SLCO6A1: variants seen among roughly 807,000 people sequenced by gnomAD.
SLCO6A1 encodes cancer/testis antigen 48.
SLCO6A1 carries 65 observed loss-of-function variants against 72.7 expected under a neutral mutation model. The observed-to-expected ratio is 0.89, with a 90% CI of 0.73 to 1.10. The LOEUF (loss-of-function observed/expected upper bound fraction) is 1.10, where lower values mean the gene tolerates loss of function less well. Among genes scored for constraint, SLCO6A1 ranks in the 50% least tolerant of loss-of-function variants. The probability of loss-of-function intolerance (pLI) is 0.00; values close to 1 mark genes in which losing one functional copy is unlikely to be tolerated. For synonymous variants in SLCO6A1, 314 were observed against 298.2 expected (o/e 1.05, Z -0.55); for missense variants, 874 against 872.6 (o/e 1.00, Z -0.02).
At position 102,458,471 on chromosome 5, in the gene SLCO6A1, T is replaced by C; in HGVS notation, c.1042A>G (p.Arg348Gly). The C allele has an allele frequency of 6.2e-7, 1 of 1,612,564 alleles. No individual in the cohort carries two copies. Among genetic ancestry groups the C allele is most frequent in the Non-Finnish European group, 8.5e-7 (1 of 1,179,204 alleles). The change falls in exon 6 of 14, where the codon AGG becomes GGG. Residue 348 changes from arginine to glycine, a missense_variant. Transcript: ENST00000506729. ...NMPGSTRIKA[R>G]KRKQLHFFDS... ...AAAAAATGAAGCTGTTTACGTTTCC[T>C]AGCTTTTATCCGTGTTGAACCTATA... is the stretch of plus-strand genomic sequence containing the variant.
At chr5:102,452,848 T>C (rs536329486) in intron 6 of SLCO6A1, among the ~76,000 whole-genome samples, 1 of 152,334 alleles carries the variant, frequency 6.6e-6, no homozygotes, top group Non-Finnish European at 1.5e-5. Context: ...TGACATATGA[T>C]TTCTTTGTTG....
chr5:102,428,832 T>C (rs1580409318), intron 7 of SLCO6A1, among the ~76,000 whole-genome samples: 3 of 152,192 alleles, frequency 2.0e-5, no homozygotes, highest in Admixed American at 2.0e-4. Flanking sequence ...GATTGCTGCA[T>C]CACATGGTAG....
intron 10 of SLCO6A1, among the ~76,000 whole-genome samples, chr5:102,397,348 TTATCTCTTC>T (rs1561427480): frequency 1.3e-5 from 2 of 152,124 alleles, no homozygotes; most frequent in Non-Finnish European, 2.9e-5. Flanking sequence ...AACCTATAGG[TTATCTCTTC>T]TATTGATATA....
intron 12 of SLCO6A1, among the ~76,000 whole-genome samples, chr5:102,377,458 A>C (rs1167586471): frequency 6.6e-6 from 1 of 152,098 alleles, no homozygotes; most frequent in Non-Finnish European, 1.5e-5. Context: ...AAAGGAGTCT[A>C]TCTGAAAAGG....
At chr5:102,448,171 T>C (rs1561469541) in intron 6 of SLCO6A1, among the ~76,000 whole-genome samples, 1 of 152,212 alleles carries the variant, frequency 6.6e-6, no homozygotes, top group East Asian at 1.9e-4. Context: ...TTCCATGTAA[T>C]TGTATGGTTT....
chr5:102,432,709 T>C (rs1749287238), intron 7 of SLCO6A1, among the ~76,000 whole-genome samples: 1 of 152,266 alleles, frequency 6.6e-6, no homozygotes, highest in South Asian at 2.1e-4. Context: ...TTTGACATTG[T>C]TTTTTCATTT....
In SLCO6A1 at chr5:102,415,420, T is replaced by A. The variant is rs140834964; in HGVS notation, c.1473-2277A>T. Among the ~76,000 whole-genome samples the A allele has an allele frequency of 2.1e-3, 318 of 152,260 alleles. 3 individuals carry two copies. The highest frequency in any genetic ancestry group is 7.3e-3 in the African/African-American group (302 of 41,548). ...GAAAAGCCACATATTTATAGCCAAC[T>A]GATCTTTGACAAAGTTAACTGGGAT... On this transcript the variant is annotated intron_variant, in intron 8 of 13. Coordinates refer to ENST00000506729, the MANE Select transcript of SLCO6A1 (RefSeq NM_173488.5).
intron 6 of SLCO6A1, among the ~76,000 whole-genome samples, chr5:102,449,661 CA>C (rs1467165232): frequency 6.6e-6 from 1 of 152,164 alleles, no homozygotes; most frequent in Non-Finnish European, 1.5e-5. Flanking sequence ...GCTGGGATTA[CA>C]GGCGTGAGCC....
intron 12 of SLCO6A1, among the ~76,000 whole-genome samples, chr5:102,383,096 A>ATGTGTGTG (rs1561414929): frequency 1.4e-4 from 5 of 35,892 alleles, no homozygotes; most frequent in Non-Finnish European, 2.8e-4. Context: ...ATGTGTGTGA[A>ATGTGTGTG]TATATATATA....
chr5:102,418,140 T>C (rs1212050715), intron 8 of SLCO6A1, among the ~76,000 whole-genome samples: 2 of 151,962 alleles, frequency 1.3e-5, no homozygotes, highest in East Asian at 3.9e-4. Context: ...CCTGCATTTG[T>C]TTCTGATAAA....
chr5:102,397,044 G>A (rs138182271), intron 10 of SLCO6A1, among the ~76,000 whole-genome samples: 213 of 152,228 alleles, frequency 1.4e-3, no homozygotes, highest in African/African-American at 4.7e-3. Context: ...TGCAACACGA[G>A]TTTCAGAGAG....
At chr5:102,387,828 G>T (rs1197028311) in intron 12 of SLCO6A1, among the ~76,000 whole-genome samples, 1 of 152,004 alleles carries the variant, frequency 6.6e-6, no homozygotes, top group African/African-American at 2.4e-5. Context: ...TCAGAAATTA[G>T]GCAGTACAAT....
At chr5:102,398,469 C>T (rs562791630) in intron 10 of SLCO6A1, among the ~76,000 whole-genome samples, 7 of 152,224 alleles carry the variant, frequency 4.6e-5, no homozygotes, top group South Asian at 2.1e-4. Context: ...TGAGCCACCG[C>T]GCCTGGCCAC....
chr5:102,491,714 C>T (rs1009776714), intron 1 of SLCO6A1, among the ~76,000 whole-genome samples: 4 of 152,246 alleles, frequency 2.6e-5, no homozygotes, highest in Admixed American at 6.5e-5. Flanking sequence ...CCCCGGTTCC[C>T]GCCCGTGCCT....
chr5:102,393,538 A>G (rs1562961), intron 10 of SLCO6A1, among the ~76,000 whole-genome samples: 96,774 of 152,008 alleles, frequency 0.64, 30,993 homozygotes, highest in African/African-American at 0.65. Flanking sequence ...CCCCAGAATA[A>G]GTTAGACTAT....
chr5:102,413,287 T>C (rs1239512990), intron 8 of SLCO6A1, 144 bp from the exon 9 acceptor site: 8 of 705,406 alleles, frequency 1.1e-5, no homozygotes, highest in Non-Finnish European at 1.8e-5. Flanking sequence ...TGAGGTACAA[T>C]AGACTGCACA....
chr5:102,422,488 C>G lies in SLCO6A1; in HGVS notation c.1277-2467G>C, dbSNP rs151187860. ...AACTTTGTGAAGCATACACAAGGAACAATAGCTGAATCGATCAAGTGGAAG... is the reference window on the plus strand; with the variant it reads ...AACTTTGTGAAGCATACACAAGGAAGAATAGCTGAATCGATCAAGTGGAAG... On this transcript the variant is annotated intron_variant, in intron 7 of 13. Transcript: ENST00000506729. 4.3e-3 allele frequency among the ~76,000 whole-genome samples: 653 copies of G among 152,028 alleles called. 4 individuals are homozygous for G. Among genetic ancestry groups the G allele is most frequent in the African/African-American group, 0.015 (623 of 41,468 alleles).
At chr5:102,451,462 T>C (rs1223709735) in intron 6 of SLCO6A1, among the ~76,000 whole-genome samples, 2 of 152,150 alleles carry the variant, frequency 1.3e-5, no homozygotes, top group African/African-American at 4.8e-5. Flanking sequence ...ACACAGCTGC[T>C]AGCATAGGGG....
At chr5:102,387,840 T>C (rs566096183) in intron 12 of SLCO6A1, among the ~76,000 whole-genome samples, 6 of 152,254 alleles carry the variant, frequency 3.9e-5, no homozygotes, top group African/African-American at 1.4e-4. Flanking sequence ...CAGTACAATA[T>C]CCTCATTTAA....
Sources: allele counts gnomAD v4.1 joint callset (sites outside exome capture counted in the v4.1 genomes callset), GRCh38; gene constraint gnomAD v4.1.1; transcripts MANE v1.5; gene names NCBI Gene and HGNC (gene_info 2026-07-23, HGNC 2026-07-21).